Variants in ASB5 observed in about 807,000 individuals in gnomAD.
ASB5 encodes ankyrin repeat and SOCS box containing 5.
A neutral mutation model predicts 42.1 loss-of-function variants in ASB5; 45 were observed. That is an observed-to-expected ratio of 1.07 (90% CI 0.84 to 1.37). ASB5 has a LOEUF of 1.37. Ranked by LOEUF, ASB5 falls within the 40% of genes most tolerant of loss-of-function variation. The pLI is 0.00. For missense variants in ASB5, 402 were observed against 399.8 expected (o/e 1.01, Z -0.05); for synonymous variants, 147 against 150.6 (o/e 0.98, Z 0.18).
chr4:176,238,487 A>G (rs955881113), intron 1 of ASB5, among the ~76,000 whole-genome samples: 1 of 152,168 alleles, frequency 6.6e-6, no homozygotes, highest in Non-Finnish European at 1.5e-5. Context: ...GGTATTTTTT[A>G]CTGGCCTATA....
intron 5 of ASB5, among the ~76,000 whole-genome samples, chr4:176,219,494 T>A (rs867283564): frequency 1.5e-5 from 1 of 68,748 alleles, no homozygotes; most frequent in Non-Finnish European, 2.8e-5. Flanking sequence ...ATATATATAT[T>A]TGTATGATAT....
At chr4:176,267,615 A>C (rs1299093511) in intron 1 of ASB5, among the ~76,000 whole-genome samples, 1 of 152,152 alleles carries the variant, frequency 6.6e-6, no homozygotes, top group Non-Finnish European at 1.5e-5. Context: ...TGTTAGCCCC[A>C]GTCTCCATAA....
intron 1 of ASB5, among the ~76,000 whole-genome samples, chr4:176,262,769 A>G (rs909049676): frequency 6.6e-6 from 1 of 152,182 alleles, no homozygotes; most frequent in Non-Finnish European, 1.5e-5. Context: ...GGGCAAGTAC[A>G]TTATGTTGTA....
intron 1 of ASB5, among the ~76,000 whole-genome samples, chr4:176,233,386 A>T (rs1753601154): frequency 6.6e-6 from 1 of 152,166 alleles, no homozygotes; most frequent in Non-Finnish European, 1.5e-5. Context: ...TTTCAGCGCC[A>T]CATGTTAAAA....
At chr4:176,249,410 G>A (rs1252117117) in intron 1 of ASB5, 1 of 152,202 alleles carries the variant, frequency 6.6e-6, no homozygotes, top group Non-Finnish European at 1.5e-5. Context: ...AATAGAGGCA[G>A]AGGTTAACAG....
At chr4:176,268,138 C>T (rs1754393371) in intron 1 of ASB5, among the ~76,000 whole-genome samples, 1 of 152,066 alleles carries the variant, frequency 6.6e-6, no homozygotes, top group Non-Finnish European at 1.5e-5. Context: ...TTAAAGCCTG[C>T]CATATGAGTC....
At chr4:176,258,736 G>A (rs1173589839) in intron 1 of ASB5, among the ~76,000 whole-genome samples, 1 of 152,062 alleles carries the variant, frequency 6.6e-6, no homozygotes, top group Non-Finnish European at 1.5e-5. Flanking sequence ...CAGGTTTGTA[G>A]TCATTTTGTA....
chr4:176,218,235 ATT>A (rs1753035615), intron 5 of ASB5, among the ~76,000 whole-genome samples: 1 of 50,398 alleles, frequency 2.0e-5, no homozygotes, highest in Non-Finnish European at 3.8e-5. Flanking sequence ...ATATATATAT[ATT>A]TGTATGATAT....
chr4:176,273,937 T>G (rs2126983104), upstream of ASB5, among the ~76,000 whole-genome samples: 1 of 152,368 alleles, frequency 6.6e-6, no homozygotes, highest in Admixed American at 6.5e-5. Context: ...CCAGCATTTC[T>G]TTAATGGATC....
intron 6 of ASB5, 87 bp from the exon 7 acceptor site, chr4:176,215,814 T>A (rs1000957726): frequency 1.2e-5 from 16 of 1,327,086 alleles, no homozygotes; most frequent in Non-Finnish European, 1.5e-5. Context: ...CCATAAAAAC[T>A]ACAATGCTTT....
At chr4:176,219,214 TAA>T (rs1258595772) in intron 5 of ASB5, among the ~76,000 whole-genome samples, 72 of 116,796 alleles carry the variant, frequency 6.2e-4, no homozygotes, top group Non-Finnish European at 8.0e-4. Context: ...GTATGACAGA[TAA>T]ATATATATAT....
intron 1 of ASB5, among the ~76,000 whole-genome samples, chr4:176,227,917 C>G (rs1489314922): frequency 6.6e-6 from 1 of 152,110 alleles, no homozygotes; most frequent in Non-Finnish European, 1.5e-5. Flanking sequence ...CTAACACCCC[C>G]TCCAAAATAA....
chr4:176,251,381 T>C lies in ASB5; in HGVS notation c.196+17532A>G, dbSNP rs376970942. Among the ~76,000 whole-genome samples the C allele has an allele frequency of 6.2e-5, 2 of 32,208 alleles. 1 individual carries two copies. The highest frequency in any genetic ancestry group is 1.7e-4 in the Non-Finnish European group (2 of 12,040). 21.1% of individuals were successfully genotyped at this position (32,208 alleles called of 152,430 possible). ...ATCGAGACCATCCCGGCTAAAATGG[T>C]GAAACCCCGTCTCTACTAAAAATAC... is the stretch of plus-strand genomic sequence containing the variant. On this transcript the variant is annotated intron_variant, in intron 1 of 6. Coordinates refer to ENST00000296525, the MANE Select transcript of ASB5 (RefSeq NM_080874.4).
In ASB5 at chr4:176,216,935, C is replaced by T; in HGVS notation, c.745G>A (p.Val249Ile). Residue 249 changes from valine to isoleucine, a missense_variant, in exon 6 of 7, where the codon GTA (valine) becomes ATA (isoleucine). Physicochemically the swap from Val to Ile is conservative, Grantham distance 29 (BLOSUM62 3). Coordinates refer to ENST00000296525, the MANE Select transcript of ASB5 (RefSeq NM_080874.4). ...GCTCCAAATTCTAGCAGTAAGTTTA[C>T]AATTTCTGTGCTGGATTGTTGAGCA... is the stretch of plus-strand genomic sequence containing the variant. Reference protein sequence around the residue: ...AAAQQSSTEIVNLLLEFGADI... With the variant: ...AAAQQSSTEIINLLLEFGADI... 2 of 1,614,000 alleles carry T rather than the reference C, an allele frequency of 1.2e-6. No individual in the cohort carries two copies. Among genetic ancestry groups the T allele is most frequent in the Non-Finnish European group, 1.7e-6 (2 of 1,179,948 alleles).
intron 1 of ASB5, among the ~76,000 whole-genome samples, chr4:176,259,557 G>T (rs1754218436): frequency 6.6e-6 from 1 of 152,204 alleles, no homozygotes; most frequent in South Asian, 2.1e-4. Context: ...TTTAGAAGAA[G>T]TCTTGAGACT....
chr4:176,245,884 A>C (rs1753901747), intron 1 of ASB5, among the ~76,000 whole-genome samples: 1 of 152,132 alleles, frequency 6.6e-6, no homozygotes, highest in South Asian at 2.1e-4. Context: ...AACATCACAC[A>C]CTGGGGCCTG....
At chr4:176,233,338 C>T (rs1490354718) in intron 1 of ASB5, among the ~76,000 whole-genome samples, 2 of 152,196 alleles carry the variant, frequency 1.3e-5, no homozygotes, top group African/African-American at 2.4e-5. Flanking sequence ...ATGGATTACT[C>T]TAATCTACAT....
chr4:176,252,137 T>C (rs1579330406), intron 1 of ASB5, among the ~76,000 whole-genome samples: 1 of 145,152 alleles, frequency 6.9e-6, no homozygotes, highest in South Asian at 2.2e-4. Context: ...TTTGGCGGAG[T>C]GTGCAGGGGT....
chr4:176,219,471 G>A (rs1243154435), intron 5 of ASB5, among the ~76,000 whole-genome samples: 1 of 70,200 alleles, frequency 1.4e-5, no homozygotes, highest in African/African-American at 5.2e-5. Flanking sequence ...ATATATATTT[G>A]TATGATATAT....
Sources: allele counts gnomAD v4.1 joint callset (sites outside exome capture counted in the v4.1 genomes callset), GRCh38; gene constraint gnomAD v4.1.1; transcripts MANE v1.5; gene names NCBI Gene and HGNC (gene_info 2026-07-23, HGNC 2026-07-21).